Variants in PTPN5 observed in about 807,000 individuals in gnomAD.
PTPN5 encodes protein tyrosine phosphatase non-receptor type 5, also known as tyrosine-protein phosphatase non-receptor type 5.
Under a neutral mutation model 73.9 loss-of-function variants are expected in PTPN5, and 29 were observed. The observed-to-expected ratio is 0.39, with a 90% CI of 0.29 to 0.54. PTPN5 has a LOEUF of 0.54. Among genes scored for constraint, PTPN5 ranks in the 20% least tolerant of loss-of-function variants. The pLI is 0.65. For missense variants in PTPN5, 652 were observed against 751.4 expected (o/e 0.87, Z 1.55); for synonymous variants, 267 against 304.7 (o/e 0.88, Z 1.29).
At chr11:18,778,367 G>A (rs987373403) in intron 1 of PTPN5, among the ~76,000 whole-genome samples, 1 of 152,134 alleles carries the variant, frequency 6.6e-6, no homozygotes, top group Non-Finnish European at 1.5e-5. Flanking sequence ...CTGCTCTGAT[G>A]GGCAGAGTCT....
At chr11:18,747,911 T>C (rs1428723476) in intron 3 of PTPN5, among the ~76,000 whole-genome samples, 1 of 152,196 alleles carries the variant, frequency 6.6e-6, no homozygotes, top group Admixed American at 6.5e-5. Flanking sequence ...TAATAAATGT[T>C]GTACACAGTA....
chr11:18,752,701 G>A (rs1849946320), intron 3 of PTPN5, among the ~76,000 whole-genome samples: 1 of 152,236 alleles, frequency 6.6e-6, no homozygotes, highest in Non-Finnish European at 1.5e-5. Flanking sequence ...TGGCGTGGAG[G>A]CCCAGAAGTA....
At chr11:18,734,475 C>T (rs1314249702) in intron 9 of PTPN5, among the ~76,000 whole-genome samples, 1 of 152,100 alleles carries the variant, frequency 6.6e-6, no homozygotes, top group East Asian at 1.9e-4. Flanking sequence ...AGCCACTGCA[C>T]CTGGCTAAAT....
Position 18,733,453 on chromosome 11 carries a change from G to T in PTPN5, c.1081-81C>A. On this transcript the variant is annotated intron_variant, in intron 10 of 14. Coordinates refer to ENST00000358540, the MANE Select transcript of PTPN5 (RefSeq NM_006906.2). The surrounding 1 kb of genome is among the most constrained non-coding windows in gnomAD (Gnocchi z 4.3). Reference sequence around the variant, plus strand: ...ATCCCCACACTCAGGCTCTTCACAGGAGCTGGCAGGAGCCAGACTGGTGTA... The same window carrying T: ...ATCCCCACACTCAGGCTCTTCACAGTAGCTGGCAGGAGCCAGACTGGTGTA... 4 of 1,610,076 alleles carry T rather than the reference G, an allele frequency of 2.5e-6. No homozygotes were observed. In the Middle Eastern group the frequency reaches 6.6e-4, roughly 266 times the overall value.
At chr11:18,762,446 C>A (rs1850440612) in intron 3 of PTPN5, among the ~76,000 whole-genome samples, 1 of 152,088 alleles carries the variant, frequency 6.6e-6, no homozygotes, top group Admixed American at 6.5e-5. Flanking sequence ...CAGTACAGGT[C>A]AGTGTCCTTG....
rs901233668 is a variant in PTPN5, at chr11:18,733,019, G to A, written c.1218+216C>T. ...AGCAGAGTGCTGTGTTTAAGGTCACGGGCACTGGAAGTGGAGAGGCCACCT... is the reference window on the plus strand; with the variant it reads ...AGCAGAGTGCTGTGTTTAAGGTCACAGGCACTGGAAGTGGAGAGGCCACCT... On this transcript the variant is annotated intron_variant, in intron 11 of 14. Coordinates refer to ENST00000358540, the MANE Select transcript of PTPN5 (RefSeq NM_006906.2). This position sits in a 1 kb window ranked among gnomAD's most constrained non-coding sequence, Gnocchi z 4.3. Among the ~76,000 whole-genome samples, 5 of 152,106 alleles carry A rather than the reference G, an allele frequency of 3.3e-5. No homozygotes were observed. The highest frequency in any genetic ancestry group is 4.1e-4 in the South Asian group (2 of 4,826).
chr11:18,756,037 A>G (rs1179439101), intron 3 of PTPN5, among the ~76,000 whole-genome samples: 4 of 150,674 alleles, frequency 2.7e-5, no homozygotes, highest in Non-Finnish European at 5.9e-5. Flanking sequence ...ATCTTTTTCA[A>G]TATCTAATAG....
At chr11:18,740,844 T>A in intron 7 of PTPN5, 52 bp from the exon 8 acceptor site, 15 of 1,267,444 alleles carry the variant, frequency 1.2e-5, no homozygotes, top group Non-Finnish European at 1.6e-5. Flanking sequence ...GGGACGGGCA[T>A]GAGCTGGGGT....
intron 1 of PTPN5, among the ~76,000 whole-genome samples, chr11:18,778,133 CCA>C (rs928439829): frequency 9.9e-5 from 15 of 152,194 alleles, no homozygotes; most frequent in African/African-American, 3.4e-4. Flanking sequence ...CAGCAGAGGT[CCA>C]GAGTTTTGCT....
chr11:18,781,156 G>A (rs878891896), intron 1 of PTPN5, among the ~76,000 whole-genome samples: 3 of 140,212 alleles, frequency 2.1e-5, no homozygotes, highest in African/African-American at 5.3e-5. Context: ...CCCCGGCCCC[G>A]CCCCGGCCCC....
intron 1 of PTPN5, among the ~76,000 whole-genome samples, chr11:18,784,425 C>A (rs1403229347): frequency 6.6e-6 from 1 of 151,834 alleles, no homozygotes; most frequent in Non-Finnish European, 1.5e-5. Flanking sequence ...GCCACTTACA[C>A]GAGGCACCTA....
At chr11:18,743,951 C>T in intron 4 of PTPN5, 55 bp downstream of exon 4, 1 of 1,507,474 alleles carries the variant, frequency 6.6e-7, no homozygotes, top group Non-Finnish European at 8.8e-7. Flanking sequence ...AAGTGGGAGG[C>T]TGGCCCTCCA....
chr11:18,747,128 T>C (rs975520488), intron 3 of PTPN5, among the ~76,000 whole-genome samples: 7 of 149,938 alleles, frequency 4.7e-5, no homozygotes, highest in Non-Finnish European at 1.0e-4. Context: ...CTATGGGGAA[T>C]AACATGATCT....
chr11:18,775,689 C>T (rs1248037926), intron 1 of PTPN5, among the ~76,000 whole-genome samples: 1 of 152,182 alleles, frequency 6.6e-6, no homozygotes, highest in Non-Finnish European at 1.5e-5. Flanking sequence ...GGCTCTAGTC[C>T]CAGGCTACTG....
intron 3 of PTPN5, among the ~76,000 whole-genome samples, chr11:18,745,799 G>C (rs1269079364): frequency 6.6e-6 from 1 of 152,042 alleles, no homozygotes; most frequent in Admixed American, 6.6e-5. Context: ...TTACAGAAAA[G>C]GAAGATGAGG....
intron 2 of PTPN5, among the ~76,000 whole-genome samples, chr11:18,766,980 C>T (rs986030774): frequency 2.6e-5 from 4 of 152,184 alleles, no homozygotes. Context: ...CTGCCTTGTT[C>T]CCATCTGTAC....
intron 1 of PTPN5, among the ~76,000 whole-genome samples, chr11:18,790,695 A>G (rs1188537890): frequency 2.0e-5 from 3 of 152,114 alleles, no homozygotes; most frequent in Non-Finnish European, 4.4e-5. Flanking sequence ...TGGTACACTC[A>G]GGTGAATTTT....
At position 18,729,368 on chromosome 11, in the gene PTPN5, C is replaced by G; in HGVS notation, c.1604+85G>C. ...GTGTTTTCCATCTGCCCCTCACCCC[C>G]CGCCCATGCACATGTGGGTCTCTCC... On this transcript the variant is annotated intron_variant, in intron 14 of 14. Coordinates refer to ENST00000358540, the MANE Select transcript of PTPN5 (RefSeq NM_006906.2). This position sits in a 1 kb window ranked among gnomAD's most constrained non-coding sequence, Gnocchi z 5.2. 3 of 716,552 alleles carry G rather than the reference C, an allele frequency of 4.2e-6. No individual in the cohort carries two copies. The highest frequency in any genetic ancestry group is 2.5e-6 in the Non-Finnish European group (1 of 398,142). 44.4% of individuals were successfully genotyped at this position (716,552 alleles called of 1,614,324 possible).
intron 12 of PTPN5, chr11:18,730,211 C>T (rs1332773096): frequency 9.9e-6 from 4 of 403,770 alleles, no homozygotes; most frequent in Non-Finnish European, 1.7e-5. Flanking sequence ...TGTGCCTCGC[C>T]TGCGCCTGCG....
Sources: allele counts gnomAD v4.1 joint callset (sites outside exome capture counted in the v4.1 genomes callset), GRCh38; gene constraint gnomAD v4.1.1; non-coding constraint Gnocchi (gnomAD v3.1); transcripts MANE v1.5; gene names NCBI Gene and HGNC (gene_info 2026-07-23, HGNC 2026-07-21).